Variants in ADAM12 observed in about 807,000 individuals in gnomAD.
ADAM12 encodes the protein ADAM metallopeptidase domain 12, also known as disintegrin and metalloproteinase domain-containing protein 12.
In ADAM12, 70 loss-of-function variants were observed where a neutral mutation model predicts 106.4. The observed-to-expected ratio is 0.66, with a 90% CI of 0.54 to 0.80. The LOEUF (loss-of-function observed/expected upper bound fraction) is 0.80. Among genes scored for constraint, ADAM12 ranks in the 30% least tolerant of loss-of-function variants. The probability of loss-of-function intolerance (pLI) is 0.00; values close to 1 mark genes in which losing one functional copy is unlikely to be tolerated. For missense variants in ADAM12, 1,010 were observed against 1,171.9 expected, an observed-to-expected ratio of 0.86 and a Z score of 2.02; for synonymous variants, 420 against 433.5, an observed-to-expected ratio of 0.97 and a Z score of 0.39.
chr10:126,023,038 AAACATGC>A (rs1953799106), intron 21 of ADAM12, among the ~76,000 whole-genome samples: 1 of 152,230 alleles, frequency 6.6e-6, no homozygotes, highest in Non-Finnish European at 1.5e-5. Context: ...AAACGAGAGT[AAACATGC>A]CCTGCTTATC....
intron 3 of ADAM12, among the ~76,000 whole-genome samples, chr10:126,159,307 C>CAAAAA (rs3069557): frequency 0.016 from 1,282 of 80,358 alleles, 94 homozygotes; most frequent in East Asian, 0.044. Flanking sequence ...GAGACTCCAT[C>CAAAAA]AAAAAAAAAA....
rs73374548 is a variant in ADAM12 at position 126,040,589 on chromosome 10, G to A, written c.2105-1160C>T. On this transcript the variant is annotated intron_variant, in intron 18 of 22. Coordinates refer to ENST00000448723, the MANE Select transcript of ADAM12 (RefSeq NM_001288973.2). ...GATGACAGTCTTGACTTACTTGTTG[G>A]TGTTACTGGAAAAGCATTGCTTCTG... 4.9e-3 allele frequency among the ~76,000 whole-genome samples: 745 copies of A among 152,272 alleles called. 6 individuals carry two copies. The highest frequency in any genetic ancestry group is 0.016 in the African/African-American group (679 of 41,544).
At chr10:126,038,952 C>CTTTT (rs34277276) in intron 19 of ADAM12, among the ~76,000 whole-genome samples, 1,389 of 71,464 alleles carry the variant, frequency 0.019, 47 homozygotes, top group East Asian at 0.071. Flanking sequence ...GACACCATTT[C>CTTTT]TTTTTTTTTT....
At chr10:126,384,885 C>T (rs537093571) in intron 1 of ADAM12, among the ~76,000 whole-genome samples, 17 of 152,278 alleles carry the variant, frequency 1.1e-4, no homozygotes, top group South Asian at 1.0e-3. Context: ...TCAGATCACA[C>T]AGGTTAAGGG....
chr10:126,193,288 A>AG, intron 3 of ADAM12, among the ~76,000 whole-genome samples: 2 of 151,218 alleles, frequency 1.3e-5, no homozygotes, highest in South Asian at 4.2e-4. Flanking sequence ...AAAAAAAAAA[A>AG]AAAAAGACAA....
chr10:126,083,333 C>T (rs1955267905), intron 11 of ADAM12, among the ~76,000 whole-genome samples: 1 of 152,220 alleles, frequency 6.6e-6, no homozygotes. Flanking sequence ...ACAGATCTGA[C>T]TAGAAGGCCT....
At chr10:126,041,723 C>G in intron 18 of ADAM12, 1 of 1,026,416 alleles carries the variant, frequency 9.7e-7, no homozygotes, top group Non-Finnish European at 1.2e-6. Flanking sequence ...TCAGGGCTGC[C>G]AAGGCTGAGG....
At chr10:126,140,819 C>A (rs759812672) in intron 4 of ADAM12, among the ~76,000 whole-genome samples, 1 of 152,174 alleles carries the variant, frequency 6.6e-6, no homozygotes, top group Non-Finnish European at 1.5e-5. Context: ...GGTTGTCACA[C>A]CATGCATCAC....
At chr10:126,125,391 T>G (rs957675217) in intron 5 of ADAM12, among the ~76,000 whole-genome samples, 1 of 151,814 alleles carries the variant, frequency 6.6e-6, no homozygotes. Context: ...ATTACAGGCA[T>G]GTGCCACCAC....
chr10:126,066,691 G>C lies in ADAM12; in HGVS notation c.1413+26C>G. Reference sequence around the variant, plus strand: ...ACCTGAACCTGTTGGCGACCTGGGGGTCAAGTTGTAGCTCCGGTGACTCAC... The same window carrying C: ...ACCTGAACCTGTTGGCGACCTGGGGCTCAAGTTGTAGCTCCGGTGACTCAC... On this transcript the variant is annotated intron_variant, in intron 13 of 22. Coordinates refer to ENST00000448723, the MANE Select transcript of ADAM12 (RefSeq NM_001288973.2). The surrounding 1 kb of genome is among the most constrained non-coding windows in gnomAD (Gnocchi z 5.1). 6.2e-7 allele frequency: 1 copy of C among 1,611,004 alleles called. No homozygotes were observed. Among genetic ancestry groups the C allele is most frequent in the Non-Finnish European group, 8.5e-7 (1 of 1,177,166 alleles).
intron 1 of ADAM12, among the ~76,000 whole-genome samples, chr10:126,368,552 A>C (rs1468239554): frequency 6.6e-6 from 1 of 152,082 alleles, no homozygotes; most frequent in Non-Finnish European, 1.5e-5. Flanking sequence ...GAAACTATCC[A>C]TTGTGGATGT....
intron 1 of ADAM12, among the ~76,000 whole-genome samples, chr10:126,384,461 T>G (rs1293782009): frequency 2.0e-5 from 3 of 152,154 alleles, no homozygotes; most frequent in African/African-American, 7.2e-5. Context: ...ACAGGAAGGA[T>G]GCAAGAGGAA....
Position 126,068,514 on chromosome 10 carries a change from A to AG in ADAM12, c.1324-1709dup, listed in dbSNP as rs1954919282. Among the ~76,000 whole-genome samples, 6 of 152,240 alleles carry AG rather than the reference A, an allele frequency of 3.9e-5. 1 individual carries two copies. The South Asian group carries it at 1.2e-3, about 32-fold the overall frequency. ...TAACTAAGTTTAAAAGATATTCGCA[A>AG]GCTACTGGCATCCTATTGACTTTAA... is the stretch of plus-strand genomic sequence containing the variant. On this transcript the variant is annotated intron_variant, in intron 12 of 22. Coordinates refer to ENST00000448723, the MANE Select transcript of ADAM12 (RefSeq NM_001288973.2).
chr10:126,151,050 C>G (rs576021840), intron 4 of ADAM12, among the ~76,000 whole-genome samples: 10 of 152,246 alleles, frequency 6.6e-5, no homozygotes, highest in African/African-American at 2.4e-4. Context: ...TTAAAATGCT[C>G]TGTGCCTCTT....
intron 11 of ADAM12, among the ~76,000 whole-genome samples, chr10:126,085,479 C>T (rs1955319839): frequency 6.6e-6 from 1 of 152,302 alleles, no homozygotes; most frequent in East Asian, 1.9e-4. Flanking sequence ...TCCGCCCACC[C>T]AGCCAACGTC....
intron 3 of ADAM12, among the ~76,000 whole-genome samples, chr10:126,233,038 G>C (rs1289735337): frequency 6.6e-6 from 1 of 152,146 alleles, no homozygotes; most frequent in Non-Finnish European, 1.5e-5. Context: ...CCAGGCAGAA[G>C]AGCATCCCCT....
chr10:126,302,675 T>G (rs575666825), intron 2 of ADAM12, among the ~76,000 whole-genome samples: 5 of 152,198 alleles, frequency 3.3e-5, no homozygotes, highest in Non-Finnish European at 5.9e-5. Context: ...ATTCAATTGT[T>G]TTTTAAAAGG....
chr10:126,123,184 A>G (rs1039554626), intron 5 of ADAM12, among the ~76,000 whole-genome samples: 1 of 152,230 alleles, frequency 6.6e-6, no homozygotes, highest in African/African-American at 2.4e-5. Flanking sequence ...TGCTGGAAAC[A>G]ACAGTGGACA....
Position 126,244,128 on chromosome 10 carries a change from C to A in ADAM12, c.260+34787G>T, listed in dbSNP as rs374674835. 3.6e-3 allele frequency among the ~76,000 whole-genome samples: 545 copies of A among 152,250 alleles called. 4 individuals carry two copies. Among genetic ancestry groups the A allele is most frequent in the African/African-American group, 0.013 (522 of 41,528 alleles). On this transcript the variant is annotated intron_variant, in intron 3 of 22. Transcript: ENST00000448723. ...GGGTTTGATGGTCTTGAATACTTGGCAATGAAATCTAAGATATCTAAACAA... is the reference window on the plus strand; with the variant it reads ...GGGTTTGATGGTCTTGAATACTTGGAAATGAAATCTAAGATATCTAAACAA...
Sources: allele counts gnomAD v4.1 joint callset (sites outside exome capture counted in the v4.1 genomes callset), GRCh38; gene constraint gnomAD v4.1.1; non-coding constraint Gnocchi (gnomAD v3.1); transcripts MANE v1.5; gene names NCBI Gene and HGNC (gene_info 2026-07-23, HGNC 2026-07-21).